The following MINAR1 variants were observed in gnomAD, a reference collection of about 807,000 sequenced individuals.
The protein encoded by MINAR1 is major intrinsically disordered Notch2-binding receptor 1.
Under a neutral mutation model 65.1 loss-of-function variants are expected in MINAR1, and 40 were observed. That is an observed-to-expected ratio of 0.61 (90% CI 0.48 to 0.80). The LOEUF (loss-of-function observed/expected upper bound fraction) is 0.80. MINAR1 is among the 30% of genes least tolerant of loss of function. MINAR1 has a pLI of 0.00. For synonymous variants in MINAR1, 482 were observed against 449.1 expected (o/e 1.07, Z -0.93); for missense variants, 1,128 against 1,148.0 (o/e 0.98, Z 0.25).
intron 2 of MINAR1, among the ~76,000 whole-genome samples, chr15:79,462,181 A>G (rs1895671010): frequency 6.6e-6 from 1 of 152,152 alleles, no homozygotes; most frequent in Admixed American, 6.5e-5. Context: ...AAGGGGATTA[A>G]AAGGTGAACA....
intron 3 of MINAR1, among the ~76,000 whole-genome samples, chr15:79,466,166 C>T (rs555700615): frequency 6.6e-6 from 1 of 152,140 alleles, no homozygotes; most frequent in Non-Finnish European, 1.5e-5. Context: ...AGGACCACCT[C>T]CCACCCTTCC....
At chr15:79,419,060 AC>A in the MINAR1 span, 4 of 152,160 alleles carry the variant, frequency 2.6e-5, no homozygotes, top group Non-Finnish European at 5.9e-5. Context: ...GAACACATCG[AC>A]CCTACTGGGA....
intron 3 of MINAR1, among the ~76,000 whole-genome samples, chr15:79,465,555 C>T (rs1207222722): frequency 6.6e-6 from 1 of 152,122 alleles, no homozygotes; most frequent in African/African-American, 2.4e-5. Context: ...GTTTATTTCA[C>T]ACACTGAATC....
upstream of MINAR1, among the ~76,000 whole-genome samples, chr15:79,428,337 TC>T (rs1469681824): frequency 5.7e-5 from 4 of 70,702 alleles, no homozygotes; most frequent in African/African-American, 1.9e-4. Flanking sequence ...CTCCTCTACC[TC>T]CCCCATCCCT....
At chr15:79,428,716 C>T (rs376187577), upstream of MINAR1, among the ~76,000 whole-genome samples, 14 of 152,176 alleles carry the variant, frequency 9.2e-5, no homozygotes, top group East Asian at 2.1e-3. Flanking sequence ...CTCAAGTTTA[C>T]CTAGATAGTA....
intron 1 of MINAR1, among the ~76,000 whole-genome samples, chr15:79,435,169 G>A (rs907247639): frequency 6.6e-6 from 1 of 152,054 alleles, no homozygotes. Flanking sequence ...CCAGCTACTC[G>A]GGAGGCTGAG....
At chr15:79,467,506 A>G (rs1253468467) in intron 3 of MINAR1, among the ~76,000 whole-genome samples, 5 of 152,172 alleles carry the variant, frequency 3.3e-5, no homozygotes, top group African/African-American at 1.2e-4. Flanking sequence ...CCTCAGGGAG[A>G]TCAGCAGACA....
Position 79,432,376 on chromosome 15 carries a change from C to T in MINAR1, c.-215C>T, listed in dbSNP as rs1369981381. On this transcript the variant is annotated 5_prime_UTR_variant, in exon 1 of 4. Coordinates refer to ENST00000305428, the MANE Select transcript of MINAR1 (RefSeq NM_015206.3). ...CGGCGGAGGCGAAAGTCGCTCCATC[C>T]GCGGGGTGCAACCCTGGGCGCGGAA... 6.6e-6 allele frequency: 1 copy of T among 152,208 alleles called. No homozygotes were observed. The highest frequency in any genetic ancestry group is 1.5e-5 in the Non-Finnish European group (1 of 68,084). The allele number at this position is 152,208 out of a possible 1,614,324, so 9.4% of individuals were successfully genotyped here. A position where few individuals can be genotyped will look rare whatever the true frequency, so the allele number is the denominator to read the frequency against.
the MINAR1 span, chr15:79,411,671 C>G: frequency 6.8e-6 from 4 of 584,500 alleles, no homozygotes; most frequent in South Asian, 3.9e-5. Context: ...ACAACCTGCT[C>G]TCACCACAGG....
chr15:79,467,376 T>C (rs1895905691), intron 3 of MINAR1, among the ~76,000 whole-genome samples: 1 of 152,258 alleles, frequency 6.6e-6, no homozygotes, highest in Non-Finnish European at 1.5e-5. Flanking sequence ...TATTAAATGC[T>C]TGCCATAAAA....
rs1294908775 is a variant in MINAR1, at chr15:79,458,461, G to A, written c.2298+16G>A. 1.2e-6 allele frequency: 2 copies of A among 1,604,552 alleles called. No individual in the cohort carries two copies. The highest frequency in any genetic ancestry group is 2.2e-5 in the South Asian group (2 of 89,980). ...ATCTAAAGAGGTAATTTAAATTTAA[G>A]TTCACATAATCGGGCACCAGCTTCA... On this transcript the variant is annotated intron_variant, in intron 2 of 3. Coordinates refer to ENST00000305428, the MANE Select transcript of MINAR1 (RefSeq NM_015206.3).
chr15:79,470,728 A>G lies in MINAR1; in HGVS notation c.*2344A>G, dbSNP rs1272355629. 6.6e-6 allele frequency: 1 copy of G among 152,222 alleles called. No homozygotes were observed. Among genetic ancestry groups the G allele is most frequent in the Non-Finnish European group, 1.5e-5 (1 of 68,048 alleles). 9.4% of individuals were successfully genotyped at this position (152,222 alleles called of 1,614,324 possible). A position where few individuals can be genotyped will look rare whatever the true frequency, so the allele number is the denominator to read the frequency against. ...TTGCTCTGAGTCCACAGTAGCTTTA[A>G]AATTCAACTCAACATTGTTGTCACG... On this transcript the variant is annotated 3_prime_UTR_variant, in exon 4 of 4. Coordinates refer to ENST00000305428, the MANE Select transcript of MINAR1 (RefSeq NM_015206.3).
intron 3 of MINAR1, among the ~76,000 whole-genome samples, chr15:79,464,695 T>G (rs957116027): frequency 2.0e-5 from 3 of 152,244 alleles, no homozygotes; most frequent in Non-Finnish European, 4.4e-5. Flanking sequence ...GGGGCAGCTC[T>G]GTCCAGACCC....
rs140325672 is a variant in MINAR1, at chr15:79,453,993, T to TA, written c.-50-2104dup. Among the ~76,000 whole-genome samples, 711 of 152,328 alleles carry TA rather than the reference T, an allele frequency of 4.7e-3. 9 individuals are homozygous for TA. The highest frequency in any genetic ancestry group is 0.016 in the African/African-American group (672 of 41,568). On this transcript the variant is annotated intron_variant, in intron 1 of 3. Coordinates refer to ENST00000305428, the MANE Select transcript of MINAR1 (RefSeq NM_015206.3). ...AACGATAAAATATATGCATGAGTTG[T>TA]AGTTGCTGTTCCCAAAATTACATTC...
Position 79,456,887 on chromosome 15 carries a change from C to A in MINAR1, c.740C>A (p.Pro247Gln). Residue 247 changes from proline to glutamine, a missense_variant, in exon 2 of 4, where the codon CCA (proline) becomes CAA (glutamine). Transcript: ENST00000305428. Reference sequence around the variant, plus strand: ...GAGACCTTCATTTCCAATGAGGAGCCATTTGTGGTCCAGTCCTGTGTCCAG... The same window carrying A: ...GAGACCTTCATTTCCAATGAGGAGCAATTTGTGGTCCAGTCCTGTGTCCAG... ...IKETFISNEE[P>Q]FVVQSCVQKR... 3 of 1,614,116 alleles carry A rather than the reference C, an allele frequency of 1.9e-6. No individual in the cohort carries two copies. The highest frequency in any genetic ancestry group is 1.7e-6 in the Non-Finnish European group (2 of 1,180,034).
intron 3 of MINAR1, among the ~76,000 whole-genome samples, chr15:79,464,738 A>G (rs1403918799): frequency 6.6e-6 from 1 of 152,106 alleles, no homozygotes; most frequent in Non-Finnish European, 1.5e-5. Flanking sequence ...ATCAGTAGCA[A>G]CCCTAAGCCC....
chr15:79,468,393 T>C lies in MINAR1; in HGVS notation c.*9T>C, dbSNP rs1895954126. 1 of 1,613,052 alleles carries C rather than the reference T, an allele frequency of 6.2e-7. No homozygotes were observed. Among genetic ancestry groups the C allele is most frequent in the Non-Finnish European group, 8.5e-7 (1 of 1,179,430 alleles). On this transcript the variant is annotated 3_prime_UTR_variant, in exon 4 of 4. Coordinates refer to ENST00000305428, the MANE Select transcript of MINAR1 (RefSeq NM_015206.3). ...GCACAATGAAATCATGAGCTAAGAA[T>C]GCAACCTTACGTACAGCTTATGACT...
At chr15:79,444,994 T>G (rs1281684037) in intron 1 of MINAR1, among the ~76,000 whole-genome samples, 2 of 152,068 alleles carry the variant, frequency 1.3e-5, no homozygotes, top group Non-Finnish European at 2.9e-5. Flanking sequence ...CTCTATGCAT[T>G]ATTGTGAATT....
At position 79,471,872 on chromosome 15, in the gene MINAR1, G is replaced by A. The variant is rs1896098069; in HGVS notation, c.*3488G>A. 1 of 152,542 alleles carries A rather than the reference G, an allele frequency of 6.6e-6. No individual in the cohort carries two copies. The highest frequency in any genetic ancestry group is 1.5e-5 in the Non-Finnish European group (1 of 68,026). 9.4% of individuals were successfully genotyped at this position (152,542 alleles called of 1,614,324 possible). ...GGTCAATTGTGTGAATACCAAATCAGTATATACTGTATACTGTACTATGAA... is the reference window on the plus strand; with the variant it reads ...GGTCAATTGTGTGAATACCAAATCAATATATACTGTATACTGTACTATGAA... On this transcript the variant is annotated 3_prime_UTR_variant, in exon 4 of 4. Transcript: ENST00000305428.
Sources: gnomAD v4.1 joint callset for allele counts (sites outside exome capture counted in the v4.1 genomes callset) on GRCh38, gnomAD v4.1.1 for gene constraint, MANE v1.5 for transcripts, NCBI Gene and HGNC (gene_info 2026-07-23, HGNC 2026-07-21) for gene names.